OXR1: variants seen among roughly 807,000 people sequenced by gnomAD.
OXR1 encodes the protein oxidation resistance 1.
OXR1 carries 41 observed loss-of-function variants against 104.6 expected under a neutral mutation model. That is an observed-to-expected ratio of 0.39 (90% CI 0.31 to 0.51). The LOEUF is 0.51. OXR1 is among the 20% of genes least tolerant of loss of function. The probability of loss-of-function intolerance (pLI) is 0.77; values close to 1 mark genes in which losing one functional copy is unlikely to be tolerated. For synonymous variants in OXR1, 348 were observed against 348.4 expected (o/e 1.00, Z 0.01); for missense variants, 955 against 1,031.9 (o/e 0.93, Z 1.02).
chr8:106,726,097 CTT>C (rs1403186163), intron 11 of OXR1: 5 of 1,311,204 alleles, frequency 3.8e-6, no homozygotes, highest in Middle Eastern at 2.0e-4. Flanking sequence ...AGCTCTCTCT[CTT>C]GTCAATCAAA....
chr8:106,273,152 CT>C (rs112308786), intron 1 of OXR1, among the ~76,000 whole-genome samples: 6,491 of 151,606 alleles, frequency 0.043, 346 homozygotes, highest in African/African-American at 0.12. Flanking sequence ...TAACTGGACA[CT>C]TTTTTTCTGG....
intron 2 of OXR1, among the ~76,000 whole-genome samples, chr8:106,482,447 T>C (rs994339076): frequency 2.4e-4 from 36 of 149,484 alleles, no homozygotes; most frequent in Admixed American, 1.7e-3. Context: ...ATCCCATCCA[T>C]GGCCCCTGCA....
In OXR1 at chr8:106,692,730, T is replaced by TAAA; in HGVS notation, c.528_529insAAA (p.Asn176_Pro177insLys). 1.4e-6 allele frequency: 2 copies of TAAA among 1,384,730 alleles called. No individual in the cohort carries two copies. The highest frequency in any genetic ancestry group is 1.9e-6 in the Non-Finnish European group (2 of 1,040,196). 85.8% of individuals were successfully genotyped at this position (1,384,730 alleles called of 1,614,324 possible). A position where few individuals can be genotyped will look rare whatever the true frequency, so the allele number is the denominator to read the frequency against. The stretch of plus-strand genomic sequence containing the variant: ...TTTCCTTTAAAAAAAAAAAAAAGAA[T>TAAA]CCTGATGTCCATCCAACAGAAGCAA... On this transcript the variant is annotated inframe_insertion, in exon 7 of 17. Transcript: ENST00000517566.
At chr8:106,615,534 G>A (rs1426143497) in intron 3 of OXR1, among the ~76,000 whole-genome samples, 2 of 151,096 alleles carry the variant, frequency 1.3e-5, no homozygotes, top group Non-Finnish European at 2.9e-5. Flanking sequence ...CTTGAGCCCA[G>A]GAGGCAGAAG....
At chr8:106,398,085 A>G (rs1392894050) in intron 2 of OXR1, among the ~76,000 whole-genome samples, 1 of 152,060 alleles carries the variant, frequency 6.6e-6, no homozygotes, top group Non-Finnish European at 1.5e-5. Flanking sequence ...CTGCTTTTAT[A>G]AGGACACCAG....
chr8:106,391,743 A>G (rs1817594116), intron 2 of OXR1, among the ~76,000 whole-genome samples: 1 of 152,036 alleles, frequency 6.6e-6, no homozygotes, highest in African/African-American at 2.4e-5. Context: ...TGTTGTTGTT[A>G]GTGTTTTTCC....
intron 3 of OXR1, among the ~76,000 whole-genome samples, chr8:106,667,301 C>G (rs1189566425): frequency 5.3e-5 from 8 of 152,174 alleles, no homozygotes; most frequent in Admixed American, 2.0e-4. Context: ...GTGAAGGACT[C>G]TACATCATTC....
intron 2 of OXR1, among the ~76,000 whole-genome samples, chr8:106,452,902 T>TTTTTTTTTTTTTTTG (rs1820400605): frequency 6.6e-6 from 1 of 151,782 alleles, no homozygotes; most frequent in African/African-American, 2.4e-5. Flanking sequence ...TATCTTTTAA[T>TTTTTTTTTTTTTTTG]AGATGTAAGG....
intron 2 of OXR1, among the ~76,000 whole-genome samples, chr8:106,386,047 T>A (rs1335960792): frequency 6.6e-6 from 1 of 151,912 alleles, no homozygotes; most frequent in Non-Finnish European, 1.5e-5. Flanking sequence ...GGTCTGGTCT[T>A]TGGCATTATA....
At chr8:106,644,024 C>G (rs1355951847) in intron 3 of OXR1, among the ~76,000 whole-genome samples, 1 of 152,098 alleles carries the variant, frequency 6.6e-6, no homozygotes, top group African/African-American at 2.4e-5. Context: ...TATGAGCCTA[C>G]ATGTGTTTTA....
At chr8:106,599,878 T>C (rs1431400831) in intron 3 of OXR1, among the ~76,000 whole-genome samples, 1 of 151,920 alleles carries the variant, frequency 6.6e-6, no homozygotes, top group African/African-American at 2.4e-5. Context: ...ATGAAACTGT[T>C]CCACCACAGA....
intron 2 of OXR1, among the ~76,000 whole-genome samples, chr8:106,497,510 G>GT (rs1278338464): frequency 6.6e-6 from 1 of 152,170 alleles, no homozygotes; most frequent in Admixed American, 6.5e-5. Flanking sequence ...TGAGAAAGTA[G>GT]TCATAGTAAA....
intron 1 of OXR1, among the ~76,000 whole-genome samples, chr8:106,322,248 A>G (rs1422045685): frequency 6.6e-6 from 1 of 152,248 alleles, no homozygotes; most frequent in Non-Finnish European, 1.5e-5. Flanking sequence ...TTCAACATAC[A>G]CAAATTAATA....
At chr8:106,725,283 A>T (rs922458951) in intron 11 of OXR1, among the ~76,000 whole-genome samples, 5 of 152,094 alleles carry the variant, frequency 3.3e-5, no homozygotes, top group African/African-American at 1.2e-4. Context: ...GGGATGCAGT[A>T]TTGCGTGTTA....
At chr8:106,579,486 G>A (rs1295288271) in intron 3 of OXR1, among the ~76,000 whole-genome samples, 1 of 152,168 alleles carries the variant, frequency 6.6e-6, no homozygotes, top group Non-Finnish European at 1.5e-5. Flanking sequence ...GTGACTTTAT[G>A]CATGTCTGAT....
chr8:106,640,881 T>G (rs542062302), intron 3 of OXR1, among the ~76,000 whole-genome samples: 15 of 152,166 alleles, frequency 9.9e-5, no homozygotes, highest in Non-Finnish European at 1.9e-4. Context: ...TTTTTACTAG[T>G]TCCAAAATCA....
intron 2 of OXR1, among the ~76,000 whole-genome samples, chr8:106,392,034 G>A (rs1817603518): frequency 6.6e-6 from 1 of 152,162 alleles, no homozygotes; most frequent in African/African-American, 2.4e-5. Flanking sequence ...CATCAGAGCT[G>A]CAGGACGTTT....
intron 3 of OXR1, among the ~76,000 whole-genome samples, chr8:106,629,818 A>T (rs1490114794): frequency 6.6e-6 from 1 of 151,874 alleles, no homozygotes; most frequent in African/African-American, 2.4e-5. Context: ...TCTTTAAAAA[A>T]ACTTGTGTGG....
chr8:106,664,064 C>T (rs905850538), intron 3 of OXR1, among the ~76,000 whole-genome samples: 1 of 152,186 alleles, frequency 6.6e-6, no homozygotes, highest in African/African-American at 2.4e-5. Flanking sequence ...TCTACTTGAT[C>T]GGCAACCTCA....
Sources: allele counts gnomAD v4.1 joint callset (sites outside exome capture counted in the v4.1 genomes callset), GRCh38; gene constraint gnomAD v4.1.1; transcripts MANE v1.5; gene names NCBI Gene and HGNC (gene_info 2026-07-23, HGNC 2026-07-21).